The following DOCK3 variants were observed in gnomAD, a reference collection of about 807,000 sequenced individuals.
DOCK3 encodes dedicator of cytokinesis protein 3.
In DOCK3, 60 loss-of-function variants were observed where a neutral mutation model predicts 265.6. The observed-to-expected ratio is 0.23, with a 90% confidence interval of 0.18 to 0.28. DOCK3 has a LOEUF of 0.28. Ranked by LOEUF, DOCK3 falls within the 10% of genes least tolerant of loss-of-function variation. The probability of loss-of-function intolerance (pLI) is 1.00; values close to 1 mark genes in which losing one functional copy is unlikely to be tolerated. For missense variants in DOCK3, 1,981 were observed against 2,594.3 expected (o/e 0.76, Z 5.14); for synonymous variants, 881 against 938.0 (o/e 0.94, Z 1.11).
chr3:50,860,267 A>C (rs1290488142), intron 3 of DOCK3, among the ~76,000 whole-genome samples: 1 of 152,070 alleles, frequency 6.6e-6, no homozygotes, highest in Non-Finnish European at 1.5e-5. Flanking sequence ...CTCTTTTCTG[A>C]GGATAGGAAG....
In DOCK3 at chr3:51,305,725, T is replaced by TGC. The variant is rs1219094916; in HGVS notation, c.2923-4506_2923-4505insCG. ...CTCAGTGTGTGTGTGTCTGTGTGTG[T>TGC]GTGTGTGCGCGTGTGTGTGTGTGTG... On this transcript the variant is annotated intron_variant, in intron 27 of 52. Coordinates refer to ENST00000266037, the MANE Select transcript of DOCK3 (RefSeq NM_004947.5). Among the ~76,000 whole-genome samples, 25 of 41,982 alleles carry TGC rather than the reference T, an allele frequency of 6.0e-4. No individual in the cohort carries two copies. In the East Asian group the frequency reaches 0.017, roughly 28 times the overall value. The allele number at this position is 41,982 out of a possible 152,430, so 27.5% of individuals were successfully genotyped here.
intron 3 of DOCK3, among the ~76,000 whole-genome samples, chr3:50,871,996 C>A (rs753795188): frequency 6.6e-5 from 10 of 152,174 alleles, no homozygotes; most frequent in Admixed American, 2.6e-4. Context: ...AGTTCTCTGT[C>A]TGAAAGATCA....
chr3:50,871,282 T>C (rs2107584273), intron 3 of DOCK3, among the ~76,000 whole-genome samples: 1 of 152,122 alleles, frequency 6.6e-6, no homozygotes, highest in East Asian at 1.9e-4. Flanking sequence ...CCTGGATACA[T>C]TATTCTTGGG....
chr3:51,158,822 T>A (rs1401371785), intron 10 of DOCK3, among the ~76,000 whole-genome samples: 1 of 152,218 alleles, frequency 6.6e-6, no homozygotes, highest in African/African-American at 2.4e-5. Context: ...CAATGTAAAA[T>A]TAGTGGAGAA....
At chr3:50,910,841 T>C (rs952495674) in intron 4 of DOCK3, among the ~76,000 whole-genome samples, 3 of 152,130 alleles carry the variant, frequency 2.0e-5, no homozygotes, top group Admixed American at 6.5e-5. Flanking sequence ...TTCCTTGATA[T>C]CATGTTAAAA....
rs545068560 is a variant in DOCK3 at position 50,850,774 on chromosome 3, A to G, written c.162+9059A>G. ...CTTTTGGCTTTGCTTCTGTAGTCCTATGCACACACTTTGGCAGGTTTTATA... is the reference window on the plus strand; with the variant it reads ...CTTTTGGCTTTGCTTCTGTAGTCCTGTGCACACACTTTGGCAGGTTTTATA... On this transcript the variant is annotated intron_variant, in intron 3 of 52. Coordinates refer to ENST00000266037, the MANE Select transcript of DOCK3 (RefSeq NM_004947.5). Among the ~76,000 whole-genome samples the G allele has an allele frequency of 5.3e-5, 8 of 152,216 alleles. No individual in the cohort carries two copies. In the South Asian group the frequency reaches 1.2e-3, roughly 24 times the overall value.
At chr3:51,200,736 G>C (rs1171444039) in intron 12 of DOCK3, among the ~76,000 whole-genome samples, 1 of 151,610 alleles carries the variant, frequency 6.6e-6, no homozygotes, top group Admixed American at 6.6e-5. Context: ...ATTCACCAAA[G>C]TTGAAATGAA....
Position 50,675,584 on chromosome 3 carries a change from T to C in DOCK3, c.37+284T>C, listed in dbSNP as rs2033892740. ...GGCCCGGGCAGTTGCCCGAGGTTTCTGGTGTGGGCCACGGGGCAATTTTAC... is the reference window on the plus strand; with the variant it reads ...GGCCCGGGCAGTTGCCCGAGGTTTCCGGTGTGGGCCACGGGGCAATTTTAC... On this transcript the variant is annotated intron_variant, in intron 1 of 52. Coordinates refer to ENST00000266037, the MANE Select transcript of DOCK3 (RefSeq NM_004947.5). This position sits in a 1 kb window ranked among gnomAD's most constrained non-coding sequence, Gnocchi z 6.1. Among the ~76,000 whole-genome samples, 1 of 152,180 alleles carries C rather than the reference T, an allele frequency of 6.6e-6. No individual in the cohort carries two copies. The highest frequency in any genetic ancestry group is 2.4e-5 in the African/African-American group (1 of 41,464).
chr3:50,880,325 A>G (rs981685767), intron 3 of DOCK3, among the ~76,000 whole-genome samples: 29 of 152,268 alleles, frequency 1.9e-4, no homozygotes, highest in African/African-American at 6.7e-4. Context: ...TCAAAAAATC[A>G]ATGAAGCCAG....
chr3:51,263,159 G>A (rs1348330341), intron 23 of DOCK3, among the ~76,000 whole-genome samples: 1 of 152,144 alleles, frequency 6.6e-6, no homozygotes, highest in African/African-American at 2.4e-5. Flanking sequence ...TATGTTAAAG[G>A]CAGCCAGAGA....
chr3:51,263,582 A>G (rs1226396334), intron 23 of DOCK3, among the ~76,000 whole-genome samples: 1 of 152,214 alleles, frequency 6.6e-6, no homozygotes, highest in Non-Finnish European at 1.5e-5. Context: ...ATTAACCTTA[A>G]ATGTAAATGG....
At chr3:51,020,541 G>A (rs190932920) in intron 5 of DOCK3, among the ~76,000 whole-genome samples, 17 of 151,824 alleles carry the variant, frequency 1.1e-4, no homozygotes, top group Admixed American at 1.1e-3. Context: ...CGAAATCTTT[G>A]CCTTTTGCTG....
chr3:50,823,837 A>G (rs2044603162), intron 2 of DOCK3, among the ~76,000 whole-genome samples: 2 of 152,364 alleles, frequency 1.3e-5, no homozygotes, highest in Middle Eastern at 3.4e-3. Context: ...GAATTTTATA[A>G]TAGTTACTAT....
rs141031698 is a variant in DOCK3 at position 51,056,203 on chromosome 3, G to A, written c.316-8245G>A. Among the ~76,000 whole-genome samples the A allele has an allele frequency of 3.1e-3, 466 of 152,222 alleles. 1 individual carries two copies. Among genetic ancestry groups the A allele is most frequent in the Middle Eastern group, 6.8e-3 (2 of 294 alleles). ...ACTATGTTGTTCGGCAAACTAAAATGAAAGTTTAGATTCCTGGGTTTAAAG... is the reference window on the plus strand; with the variant it reads ...ACTATGTTGTTCGGCAAACTAAAATAAAAGTTTAGATTCCTGGGTTTAAAG... On this transcript the variant is annotated intron_variant, in intron 5 of 52. Transcript: ENST00000266037.
chr3:50,738,397 G>A (rs922823921), intron 1 of DOCK3, among the ~76,000 whole-genome samples: 1 of 152,192 alleles, frequency 6.6e-6, no homozygotes, highest in African/African-American at 2.4e-5. Context: ...GGCCTGGCCC[G>A]GAGCCTGAGT....
chr3:51,035,591 T>C (rs2080235526), intron 5 of DOCK3, among the ~76,000 whole-genome samples: 1 of 152,210 alleles, frequency 6.6e-6, no homozygotes, highest in African/African-American at 2.4e-5. Context: ...TCTTTTCCTC[T>C]GAGTCTGGGT....
intron 18 of DOCK3, 40 bp from the exon 19 acceptor site, chr3:51,229,472 A>G (rs756009955): frequency 4.3e-5 from 60 of 1,390,608 alleles, no homozygotes; most frequent in Admixed American, 1.2e-4. Flanking sequence ...AAGAATATCC[A>G]GGTTTCAAGG....
At chr3:50,771,004 A>G (rs184125382) in intron 1 of DOCK3, among the ~76,000 whole-genome samples, 1 of 152,338 alleles carries the variant, frequency 6.6e-6, no homozygotes, top group Non-Finnish European at 1.5e-5. Context: ...ACTACAAGAA[A>G]ACATTGGGGA....
chr3:51,127,677 C>T (rs2084328570), intron 9 of DOCK3, among the ~76,000 whole-genome samples: 1 of 152,222 alleles, frequency 6.6e-6, no homozygotes, highest in Non-Finnish European at 1.5e-5. Flanking sequence ...GTCCTCGTTT[C>T]TGCAGCTGGT....
Sources: gnomAD v4.1 joint callset for allele counts (sites outside exome capture counted in the v4.1 genomes callset) on GRCh38, gnomAD v4.1.1 for gene constraint, Gnocchi (gnomAD v3.1) non-coding constraint, MANE v1.5 for transcripts, NCBI Gene and HGNC (gene_info 2026-07-23, HGNC 2026-07-21) for gene names.